The following SPTA1 variants were observed in gnomAD, a reference collection of about 807,000 sequenced individuals.
SPTA1 encodes spectrin alpha chain, erythrocytic 1.
In SPTA1, 177 loss-of-function variants were observed where a neutral mutation model predicts 324.7. The observed-to-expected ratio is 0.55, with a 90% CI of 0.48 to 0.62. The LOEUF (loss-of-function observed/expected upper bound fraction) is 0.62, where lower values mean the gene tolerates loss of function less well. Among genes scored for constraint, SPTA1 ranks in the 20% least tolerant of loss-of-function variants. SPTA1 has a pLI of 0.00. For missense variants in SPTA1, 3,162 were observed against 2,883.6 expected, an observed-to-expected ratio of 1.10 and a Z score of -2.21; for synonymous variants, 1,195 against 1,041.3, an observed-to-expected ratio of 1.15 and a Z score of -2.84.
At chr1:158,651,265 G>A (rs945431837) in intron 24 of SPTA1, 102 bp downstream of exon 24, 1 of 811,846 alleles carries the variant, frequency 1.2e-6, no homozygotes, top group African/African-American at 1.7e-5. Context: ...CCTTCTGCAT[G>A]TTCTAGTGGG....
rs1652406941 is a variant in SPTA1 at position 158,651,246 on chromosome 1, C to T, written c.3477+121G>A. Reference sequence around the variant, plus strand: ...GGCCTTTCCTGTAGCTAATTCCATACTGCTGTTACCTTCTGCATGTTCTAG... The same window carrying T: ...GGCCTTTCCTGTAGCTAATTCCATATTGCTGTTACCTTCTGCATGTTCTAG... On this transcript the variant is annotated intron_variant, in intron 24 of 51. Transcript: ENST00000643759. The T allele has an allele frequency of 6.6e-6, 5 of 754,624 alleles. No individual in the cohort carries two copies. The African/African-American group carries it at 6.9e-5, about 10-fold the overall frequency. 46.7% of individuals were successfully genotyped at this position (754,624 alleles called of 1,614,324 possible).
chr1:158,650,415 C>G (rs1019811912), intron 24 of SPTA1, among the ~76,000 whole-genome samples: 2 of 152,162 alleles, frequency 1.3e-5, no homozygotes, highest in African/African-American at 4.8e-5. Flanking sequence ...ACTATAAAAA[C>G]AGGCAGAAAA....
chr1:158,667,869 G>A lies in SPTA1; in HGVS notation c.2027C>T (p.Thr676Ile), dbSNP rs1245092374. Reference sequence around the variant, plus strand: ...CCTCTGCTTTTTACCTTTCTGTTTTGTAGCCTCCAGCAACTCCTCCCAGAG... The same window carrying A: ...CCTCTGCTTTTTACCTTTCTGTTTTATAGCCTCCAGCAACTCCTCCCAGAG... Reference protein sequence around the residue: ...ASLWEELLEATKQKGTQLHEA... With the variant: ...ASLWEELLEAIKQKGTQLHEA... The change falls in exon 15 of 52, where the codon ACA becomes ATA. Residue 676 changes from threonine to isoleucine, a missense_variant. Transcript: ENST00000643759. 10 of 1,613,782 alleles carry A rather than the reference G, an allele frequency of 6.2e-6. 1 individual carries two copies. In the South Asian group the frequency reaches 1.1e-4, roughly 18 times the overall value.
intron 42 of SPTA1, among the ~76,000 whole-genome samples, chr1:158,623,472 A>G (rs1316069417): frequency 6.6e-6 from 1 of 152,184 alleles, no homozygotes. Flanking sequence ...TGTAGTTCCC[A>G]TAGTCCCCAT....
At chr1:158,666,267 G>A (rs770279768) in intron 16 of SPTA1, 49 bp downstream of exon 16, 6 of 1,597,882 alleles carry the variant, frequency 3.8e-6, no homozygotes, top group South Asian at 3.3e-5. Context: ...AGTGTGCTCA[G>A]AGCATATACA....
Position 158,683,051 on chromosome 1 carries a change from TAGAA to T in SPTA1, c.390+316_390+319del, listed in dbSNP as rs367604397. 2.3e-3 allele frequency among the ~76,000 whole-genome samples: 345 copies of T among 152,214 alleles called. 3 individuals are homozygous for T. Among genetic ancestry groups the T allele is most frequent in the Admixed American group, 4.8e-3 (74 of 15,272 alleles). The stretch of plus-strand genomic sequence containing the variant: ...GGACATTGAGGTTAGAGGAAATAAT[TAGAA>T]AGAACATTGGAAAAAACTAATTGAT... On this transcript the variant is annotated intron_variant, in intron 3 of 51. Transcript: ENST00000643759.
intron 48 of SPTA1, chr1:158,614,584 A>G (rs180808971): frequency 8.0e-6 from 3 of 376,688 alleles, no homozygotes; most frequent in East Asian, 9.8e-5. Context: ...TTAAATTTCA[A>G]TGTCCATATA....
intron 44 of SPTA1, 41 bp from the exon 45 acceptor site, chr1:158,619,375 G>A: frequency 6.3e-7 from 1 of 1,586,244 alleles, no homozygotes; most frequent in Non-Finnish European, 8.7e-7. Context: ...GACATCGAAG[G>A]CCTTTCTTTG....
chr1:158,635,082 C>T (rs1215436840), intron 38 of SPTA1, among the ~76,000 whole-genome samples: 1 of 152,184 alleles, frequency 6.6e-6, no homozygotes, highest in South Asian at 2.1e-4. Context: ...TTTAGCCCCC[C>T]CCAGGAAAAA....
Position 158,671,424 on chromosome 1 carries a change from G to A in SPTA1, c.1518C>T (p.Asn506=), listed in dbSNP as rs1261868123. The part of the protein sequence containing the change: ...EAFLENEDLG[N]SLGSAEALLQ... Reference sequence around the variant, plus strand: ...GAAGGGCTTCTGCACTGCCCAGTGAGTTTCCCAGATCCTCGTTTTCCAGGA... The same window carrying A: ...GAAGGGCTTCTGCACTGCCCAGTGAATTTCCCAGATCCTCGTTTTCCAGGA... Residue 506 remains asparagine, a synonymous_variant, in exon 12 of 52, where the codon AAC becomes AAT. Coordinates refer to ENST00000643759, the MANE Select transcript of SPTA1 (RefSeq NM_003126.4). 6.2e-7 allele frequency: 1 copy of A among 1,613,154 alleles called. No homozygotes were observed. The highest frequency in any genetic ancestry group is 1.1e-5 in the South Asian group (1 of 91,040).
intron 14 of SPTA1, among the ~76,000 whole-genome samples, chr1:158,669,081 G>A (rs1653813179): frequency 6.6e-6 from 1 of 152,126 alleles, no homozygotes; most frequent in South Asian, 2.1e-4. Flanking sequence ...CGGATGCAGA[G>A]GGGAGCAGAA....
At chr1:158,615,160 C>A in intron 48 of SPTA1, 56 bp downstream of exon 48, 2 of 1,603,708 alleles carry the variant, frequency 1.2e-6, no homozygotes, top group African/African-American at 1.3e-5. Flanking sequence ...TAGTTAAGGT[C>A]CTAACACCTA....
Position 158,678,341 on chromosome 1 carries a change from A to G in SPTA1, c.812+60T>C, listed in dbSNP as rs183596685. The G allele has an allele frequency of 5.2e-3, 8,357 of 1,608,866 alleles. 25 individuals are homozygous for G. The highest frequency in any genetic ancestry group is 6.4e-3 in the Non-Finnish European group (7,473 of 1,175,680). On this transcript the variant is annotated intron_variant, in intron 6 of 51. Coordinates refer to ENST00000643759, the MANE Select transcript of SPTA1 (RefSeq NM_003126.4). Reference sequence around the variant, plus strand: ...ACAGAAGTAGAAAGAGCCTAATACAAAGACACGGTTTTTATAAAGCACTTC... The same window carrying G: ...ACAGAAGTAGAAAGAGCCTAATACAGAGACACGGTTTTTATAAAGCACTTC...
At chr1:158,616,356 C>G (rs1649557222) in intron 47 of SPTA1, among the ~76,000 whole-genome samples, 1 of 152,098 alleles carries the variant, frequency 6.6e-6, no homozygotes, top group Non-Finnish European at 1.5e-5. Flanking sequence ...TTTCTTCTAT[C>G]AAACTGTATA....
At chr1:158,635,852 C>T in intron 38 of SPTA1, 61 bp downstream of exon 38, 14 of 1,613,304 alleles carry the variant, frequency 8.7e-6, no homozygotes, top group Non-Finnish European at 1.2e-5. Context: ...AAGTATCCTC[C>T]CAACACCTGC....
intron 27 of SPTA1, among the ~76,000 whole-genome samples, chr1:158,645,866 G>A (rs1651963929): frequency 6.6e-6 from 1 of 152,034 alleles, no homozygotes; most frequent in Non-Finnish European, 1.5e-5. Context: ...TTTCATTATG[G>A]AGATAAAGAA....
intron 38 of SPTA1, 48 bp downstream of exon 38, chr1:158,635,865 A>T (rs752677812): frequency 2.5e-6 from 4 of 1,613,866 alleles, no homozygotes. Context: ...ACACCTGCCC[A>T]ATATCCAAAA....
chr1:158,636,444 G>A (rs986139941), intron 37 of SPTA1, among the ~76,000 whole-genome samples, 197 bp downstream of exon 37: 4 of 152,110 alleles, frequency 2.6e-5, no homozygotes, highest in Non-Finnish European at 5.9e-5. Context: ...GGAAGAGCAT[G>A]GGTTCTTGTT....
Position 158,651,442 on chromosome 1 carries a change from T to C in SPTA1, c.3402A>G (p.Leu1134=). The change falls in exon 24 of 52, where the codon CTA becomes CTG. Residue 1134 remains leucine (L), a synonymous_variant. Transcript: ENST00000643759. The part of the protein sequence containing the change: ...QKDLNTNEPR[L]RDINKVADDL... ...CATCAGCTACCTTGTTGATATCCCTTAGCCGAGGCTCATTGGTATTCAAAT... is the reference window on the plus strand; with the variant it reads ...CATCAGCTACCTTGTTGATATCCCTCAGCCGAGGCTCATTGGTATTCAAAT... 6.2e-7 allele frequency: 1 copy of C among 1,613,716 alleles called. No individual in the cohort carries two copies. The highest frequency in any genetic ancestry group is 8.5e-7 in the Non-Finnish European group (1 of 1,179,698).
Sources: allele counts gnomAD v4.1 joint callset (sites outside exome capture counted in the v4.1 genomes callset), GRCh38; gene constraint gnomAD v4.1.1; transcripts MANE v1.5; gene names NCBI Gene and HGNC (gene_info 2026-07-23, HGNC 2026-07-21).